The following ASIC2 variants were observed in gnomAD, a reference collection of about 807,000 sequenced individuals.
The protein encoded by ASIC2 is acid-sensing ion channel 2.
Under a neutral mutation model 57.3 loss-of-function variants are expected in ASIC2, and 25 were observed. The observed-to-expected ratio is 0.44, with a 90% CI of 0.32 to 0.61. ASIC2 has a LOEUF of 0.61. Among genes scored for constraint, ASIC2 ranks in the 20% least tolerant of loss-of-function variants. The pLI is 0.06. For missense variants in ASIC2, 641 were observed against 738.1 expected (o/e 0.87, Z 1.52); for synonymous variants, 319 against 307.5 (o/e 1.04, Z -0.39).
At chr17:33,804,125 T>C (rs757506014) in intron 1 of ASIC2, among the ~76,000 whole-genome samples, 12 of 152,356 alleles carry the variant, frequency 7.9e-5, no homozygotes, top group Non-Finnish European at 1.3e-4. Flanking sequence ...ATTACCCTTA[T>C]GTCCTGGTTT....
intron 1 of ASIC2, among the ~76,000 whole-genome samples, chr17:33,629,509 C>T (rs535816698): frequency 4.1e-4 from 62 of 152,068 alleles, no homozygotes; most frequent in Non-Finnish European, 4.9e-4. Flanking sequence ...GACCAAGTGA[C>T]GTATGTTGGT....
chr17:34,141,395 A>T (rs73988509), intron 1 of ASIC2, among the ~76,000 whole-genome samples: 8,321 of 152,170 alleles, frequency 0.055, 741 homozygotes, highest in African/African-American at 0.19. Context: ...ATTCTTTTTT[A>T]AAAAAAGAAT....
intron 1 of ASIC2, among the ~76,000 whole-genome samples, chr17:33,772,968 C>G (rs548308325): frequency 6.6e-6 from 1 of 152,296 alleles, no homozygotes; most frequent in South Asian, 2.1e-4. Flanking sequence ...TAGCGTGGTA[C>G]CTGGCACACA....
chr17:33,965,773 T>A lies in ASIC2; in HGVS notation c.555+190205A>T, dbSNP rs1905057438. 2.6e-5 allele frequency among the ~76,000 whole-genome samples: 4 copies of A among 152,198 alleles called. No individual in the cohort carries two copies. In the South Asian group the frequency reaches 6.2e-4, roughly 24 times the overall value. On this transcript the variant is annotated intron_variant, in intron 1 of 9. Transcript: ENST00000359872. ...CATGCACACTCTTGATGAACCTCAC[T>A]CTGCTGCTTCTTGTAGTATTTTCTC...
intron 1 of ASIC2, among the ~76,000 whole-genome samples, chr17:33,703,886 C>T (rs1357090498): frequency 6.6e-6 from 1 of 152,174 alleles, no homozygotes; most frequent in African/African-American, 2.4e-5. Flanking sequence ...TGACCTTTAG[C>T]CCTCAACTCC....
intron 1 of ASIC2, among the ~76,000 whole-genome samples, chr17:33,758,969 T>A (rs1480980431): frequency 6.8e-6 from 1 of 147,690 alleles, no homozygotes; most frequent in Non-Finnish European, 1.5e-5. Flanking sequence ...TGATAACAGA[T>A]ACCTGAAAAT....
At chr17:33,082,953 C>G (rs576457935) in intron 3 of ASIC2, among the ~76,000 whole-genome samples, 1 of 152,118 alleles carries the variant, frequency 6.6e-6, no homozygotes, top group Non-Finnish European at 1.5e-5. Flanking sequence ...GATCTATATC[C>G]CTAGCCCTGA....
intron 1 of ASIC2, among the ~76,000 whole-genome samples, chr17:33,631,962 G>A (rs1906187216): frequency 6.6e-6 from 1 of 152,188 alleles, no homozygotes; most frequent in South Asian, 2.1e-4. Flanking sequence ...GGGCCCAAAA[G>A]TGGTTGTATT....
chr17:33,674,540 T>C (rs1488129031), intron 1 of ASIC2, among the ~76,000 whole-genome samples: 1 of 152,258 alleles, frequency 6.6e-6, no homozygotes, highest in East Asian at 1.9e-4. Context: ...CATGGCTAAA[T>C]ATTTTTTATG....
rs150140651 is a variant in ASIC2 at position 33,469,183 on chromosome 17, C to T, written c.556-357116G>A. On this transcript the variant is annotated intron_variant, in intron 1 of 9. Transcript: ENST00000359872. ...ACAGGTACTATGGAGTGCCTTAGAACCAGGCCACAGCTAGAGACAGGGCTG... is the reference window on the plus strand; with the variant it reads ...ACAGGTACTATGGAGTGCCTTAGAATCAGGCCACAGCTAGAGACAGGGCTG... Among the ~76,000 whole-genome samples, 6 of 152,300 alleles carry T rather than the reference C, an allele frequency of 3.9e-5. No individual in the cohort carries two copies. In the South Asian group the frequency reaches 8.3e-4, roughly 21 times the overall value.
At chr17:33,574,483 G>A (rs749728223) in intron 1 of ASIC2, among the ~76,000 whole-genome samples, 10 of 152,116 alleles carry the variant, frequency 6.6e-5, no homozygotes, top group Non-Finnish European at 1.0e-4. Flanking sequence ...CAGGGGTTGC[G>A]TAGGGGTGCT....
chr17:33,294,821 C>T (rs1466549057), upstream of ASIC2, among the ~76,000 whole-genome samples: 1 of 152,138 alleles, frequency 6.6e-6, no homozygotes, highest in Non-Finnish European at 1.5e-5. Context: ...GCATTGATGA[C>T]AGTTTGCTTT....
At chr17:33,722,454 C>T (rs1022933868) in intron 1 of ASIC2, among the ~76,000 whole-genome samples, 4 of 152,092 alleles carry the variant, frequency 2.6e-5, no homozygotes, top group East Asian at 1.9e-4. Context: ...AAAAGATTTC[C>T]GCAAGTAATT....
chr17:33,070,333 C>T (rs1023643158), intron 3 of ASIC2, among the ~76,000 whole-genome samples: 4 of 123,426 alleles, frequency 3.2e-5, no homozygotes, highest in African/African-American at 9.4e-5. Context: ...CCACAGTTTT[C>T]GCCATTACTT....
chr17:33,644,680 G>A (rs1037115946), intron 1 of ASIC2, among the ~76,000 whole-genome samples: 7 of 152,290 alleles, frequency 4.6e-5, no homozygotes, highest in East Asian at 3.9e-4. Flanking sequence ...TTAGTATTAC[G>A]TGATGAATAA....
chr17:33,525,052 T>A (rs1180237186), intron 1 of ASIC2, among the ~76,000 whole-genome samples: 1 of 152,170 alleles, frequency 6.6e-6, no homozygotes, highest in Non-Finnish European at 1.5e-5. Context: ...GTCTCTTCTG[T>A]TCCCCCATCA....
At chr17:33,325,415 A>G (rs1261227224) in intron 1 of ASIC2, among the ~76,000 whole-genome samples, 2 of 152,164 alleles carry the variant, frequency 1.3e-5, no homozygotes, top group African/African-American at 4.8e-5. Context: ...TTCTAGGAAG[A>G]GAGGATGGCT....
chr17:33,118,789 C>T (rs2092290329), intron 1 of ASIC2, among the ~76,000 whole-genome samples: 1 of 152,074 alleles, frequency 6.6e-6, no homozygotes, highest in African/African-American at 2.4e-5. Flanking sequence ...TCTGCTTTTC[C>T]TCGAAGCCTT....
chr17:33,573,668 C>A (rs557303539), intron 1 of ASIC2, among the ~76,000 whole-genome samples: 1 of 152,142 alleles, frequency 6.6e-6, no homozygotes, highest in Non-Finnish European at 1.5e-5. Flanking sequence ...CAGGTTCAAG[C>A]GATTCTCCTG....
Sources: gnomAD v4.1 joint callset for allele counts (sites outside exome capture counted in the v4.1 genomes callset) on GRCh38, gnomAD v4.1.1 for gene constraint, MANE v1.5 for transcripts, NCBI Gene and HGNC (gene_info 2026-07-23, HGNC 2026-07-21) for gene names.